BNC2: variants seen among roughly 807,000 people sequenced by gnomAD.
BNC2 encodes the protein basonuclin zinc finger protein 2, also known as zinc finger protein basonuclin-2.
Under a neutral mutation model 76.3 loss-of-function variants are expected in BNC2, and 20 were observed. The observed-to-expected ratio is 0.26, with a 90% confidence interval of 0.18 to 0.38. The LOEUF is 0.38. Ranked by LOEUF, BNC2 falls within the 10% of genes least tolerant of loss-of-function variation. The probability of loss-of-function intolerance (pLI) is 1.00; values close to 1 mark genes in which losing one functional copy is unlikely to be tolerated. For missense variants in BNC2, 1,382 were observed against 1,399.8 expected, an observed-to-expected ratio of 0.99 and a Z score of 0.20; for synonymous variants, 582 against 514.8, an observed-to-expected ratio of 1.13 and a Z score of -1.77.
intron 3 of BNC2, among the ~76,000 whole-genome samples, chr9:16,668,432 T>C (rs1822365733): frequency 6.6e-6 from 1 of 152,224 alleles, no homozygotes; most frequent in Admixed American, 6.5e-5. Context: ...GTCATTGTCA[T>C]TCTCCGATAT....
intron 4 of BNC2, among the ~76,000 whole-genome samples, chr9:16,554,363 C>T (rs1818757396): frequency 6.6e-6 from 1 of 152,096 alleles, no homozygotes; most frequent in African/African-American, 2.4e-5. Context: ...TGATAAATTG[C>T]TTTCTTACAT....
chr9:16,714,179 CAAA>C, intron 3 of BNC2, among the ~76,000 whole-genome samples: 1 of 152,280 alleles, frequency 6.6e-6, no homozygotes, highest in East Asian at 1.9e-4. Context: ...ACACCATTCT[CAAA>C]AAGTTTAAAC....
intron 1 of BNC2, among the ~76,000 whole-genome samples, chr9:16,842,131 A>G (rs930309380): frequency 3.3e-5 from 5 of 152,164 alleles, no homozygotes; most frequent in African/African-American, 1.2e-4. Context: ...TTTAATGCAC[A>G]TATTTTTTGG....
intron 5 of BNC2, among the ~76,000 whole-genome samples, chr9:16,537,428 A>G (rs1444137695): frequency 6.6e-6 from 1 of 152,182 alleles, no homozygotes; most frequent in Non-Finnish European, 1.5e-5. Context: ...ACAAAAAAAG[A>G]ACCACATATC....
intron 5 of BNC2, among the ~76,000 whole-genome samples, chr9:16,510,564 C>A (rs1042792848): frequency 1.3e-5 from 2 of 152,210 alleles, no homozygotes. Context: ...TATATTTGCA[C>A]CAGCTCTTCA....
chr9:16,655,366 T>G (rs1821900674), intron 3 of BNC2, among the ~76,000 whole-genome samples: 1 of 152,172 alleles, frequency 6.6e-6, no homozygotes, highest in African/African-American at 2.4e-5. Flanking sequence ...TAAGATTACT[T>G]GGAATTTGCC....
In BNC2 at chr9:16,436,980, A is replaced by G. The variant is rs761382259; in HGVS notation, c.1214T>C (p.Ile405Thr). The G allele has an allele frequency of 6.2e-7, 1 of 1,614,104 alleles. No individual in the cohort carries two copies. The highest frequency in any genetic ancestry group is 1.7e-5 in the Admixed American group (1 of 60,014). ...PKTEPACVSP[I>T]QNSAPVSDLT... ...ATCACTGACTGGGGCAGAATTCTGA[A>G]TGGGAGAGACACAGGCTGGCTCGGT... Residue 405 changes from isoleucine (I) to threonine (T), a missense_variant, in exon 6 of 7, where the codon ATT (isoleucine) becomes ACT (threonine). By Grantham distance (89) the Ile-to-Thr change is moderately conservative. Transcript: ENST00000380672.
intron 5 of BNC2, among the ~76,000 whole-genome samples, chr9:16,508,689 A>G (rs1822686502): frequency 6.6e-6 from 1 of 152,178 alleles, no homozygotes; most frequent in African/African-American, 2.4e-5. Context: ...CCAAATTTTC[A>G]TACACTATGC....
At chr9:16,838,802 T>C (rs1294949346) in intron 1 of BNC2, among the ~76,000 whole-genome samples, 1 of 152,202 alleles carries the variant, frequency 6.6e-6, no homozygotes, top group Non-Finnish European at 1.5e-5. Flanking sequence ...ATAGTGTACT[T>C]ATTGTATGCG....
chr9:16,609,955 C>T (rs1343733121), intron 3 of BNC2, among the ~76,000 whole-genome samples: 1 of 152,114 alleles, frequency 6.6e-6, no homozygotes, highest in Non-Finnish European at 1.5e-5. Flanking sequence ...TCTTCTCTGC[C>T]ATCTTCTGTC....
chr9:16,663,752 TAA>T (rs1244517846), intron 3 of BNC2, among the ~76,000 whole-genome samples: 1 of 152,166 alleles, frequency 6.6e-6, no homozygotes, highest in African/African-American at 2.4e-5. Flanking sequence ...AACAAAATTT[TAA>T]AGAGTCAGGT....
At chr9:16,749,205 G>A (rs1235508757) in intron 1 of BNC2, among the ~76,000 whole-genome samples, 2 of 151,856 alleles carry the variant, frequency 1.3e-5, no homozygotes, top group African/African-American at 2.4e-5. Flanking sequence ...CAGTATAGCT[G>A]GAGAGACTAT....
chr9:16,470,103 T>C (rs1821790602), intron 5 of BNC2, among the ~76,000 whole-genome samples: 1 of 149,854 alleles, frequency 6.7e-6, no homozygotes, highest in African/African-American at 2.5e-5. Context: ...GTTCATGCCA[T>C]TCTCCTGCCT....
At chr9:16,518,877 A>G (rs1817524115) in intron 5 of BNC2, among the ~76,000 whole-genome samples, 1 of 152,228 alleles carries the variant, frequency 6.6e-6, no homozygotes, top group Non-Finnish European at 1.5e-5. Flanking sequence ...CAGGGATTAC[A>G]GGCGTGAGCC....
At chr9:16,868,548 C>G (rs1819598525) in intron 1 of BNC2, among the ~76,000 whole-genome samples, 1 of 152,172 alleles carries the variant, frequency 6.6e-6, no homozygotes, top group African/African-American at 2.4e-5. Context: ...CACCACCCAA[C>G]TTAATATTCT....
Position 16,506,513 on chromosome 9 carries a change from C to CTTTTTTTT in BNC2, c.669+46009_669+46016dup, listed in dbSNP as rs568955982. 6.0e-3 allele frequency among the ~76,000 whole-genome samples: 258 copies of CTTTTTTTT among 43,320 alleles called. 57 individuals carry two copies. The highest frequency in any genetic ancestry group is 0.019 in the African/African-American group (241 of 12,382). The allele number at this position is 43,320 out of a possible 152,430, so 28.4% of individuals were successfully genotyped here. ...GTACACTTCTCTCTCTCTCTCTCCTCTTTTTTTTTTTTTTTTTTTTTTTTT... is the reference window on the plus strand; with the variant it reads ...GTACACTTCTCTCTCTCTCTCTCCTCTTTTTTTTTTTTTTTTTTTTTTTTTTTTTTTTT... On this transcript the variant is annotated intron_variant, in intron 5 of 6. Coordinates refer to ENST00000380672, the MANE Select transcript of BNC2 (RefSeq NM_017637.6).
At chr9:16,660,286 C>A (rs1253061478) in intron 3 of BNC2, among the ~76,000 whole-genome samples, 1 of 152,104 alleles carries the variant, frequency 6.6e-6, no homozygotes, top group Non-Finnish European at 1.5e-5. Flanking sequence ...GAAACTCTGT[C>A]TCTACTAAAA....
chr9:16,808,083 A>C (rs2135814155), intron 1 of BNC2, among the ~76,000 whole-genome samples: 1 of 152,324 alleles, frequency 6.6e-6, no homozygotes, highest in Non-Finnish European at 1.5e-5. Flanking sequence ...TATGAGTATT[A>C]AAAATGTGTA....
chr9:16,847,646 A>G (rs1157349737), intron 1 of BNC2, among the ~76,000 whole-genome samples: 1 of 152,214 alleles, frequency 6.6e-6, no homozygotes, highest in Non-Finnish European at 1.5e-5. Context: ...TCCGAGATAT[A>G]TCAAGATATC....
Sources: gnomAD v4.1 joint callset for allele counts (sites outside exome capture counted in the v4.1 genomes callset) on GRCh38, gnomAD v4.1.1 for gene constraint, MANE v1.5 for transcripts, NCBI Gene and HGNC (gene_info 2026-07-23, HGNC 2026-07-21) for gene names.